SCP2: variants seen among roughly 807,000 people sequenced by gnomAD.
SCP2 encodes sterol carrier protein 2, also known as SCP-2/3-oxoacyl-CoA thiolase.
A neutral mutation model predicts 71.4 loss-of-function variants in SCP2; 48 were observed. The ratio of observed to expected loss-of-function variants is 0.67; its 90% CI spans 0.53 to 0.86. SCP2 has a LOEUF of 0.86. SCP2 is among the 40% of genes least tolerant of loss of function. The probability of loss-of-function intolerance (pLI) is 0.00; values close to 1 mark genes in which losing one functional copy is unlikely to be tolerated. For synonymous variants in SCP2, 220 were observed against 218.1 expected (o/e 1.01, Z -0.08); for missense variants, 560 against 655.6 (o/e 0.85, Z 1.59).
rs1038208079 is a variant in SCP2, at chr1:53,005,893, C to T, written c.1082-8997C>T. Among the ~76,000 whole-genome samples the T allele has an allele frequency of 9.2e-5, 14 of 152,162 alleles. No individual in the cohort carries two copies. In the South Asian group the frequency reaches 1.5e-3, roughly 16 times the overall value. Reference sequence around the variant, plus strand: ...TAAAAACCTTGAAAAAAAGATTAGACGAATGGCTAATTAGAATAAACAGCA... The same window carrying T: ...TAAAAACCTTGAAAAAAAGATTAGATGAATGGCTAATTAGAATAAACAGCA... On this transcript the variant is annotated intron_variant, in intron 11 of 15. Coordinates refer to ENST00000371514, the MANE Select transcript of SCP2 (RefSeq NM_002979.5).
chr1:53,013,421 TAAAAAAAA>T lies in SCP2; in HGVS notation c.1082-1451_1082-1444del, dbSNP rs776237493. Among the ~76,000 whole-genome samples, 6 of 117,216 alleles carry T rather than the reference TAAAAAAAA, an allele frequency of 5.1e-5. No homozygotes were observed. The Admixed American group carries it at 5.6e-4, about 11-fold the overall frequency. 76.9% of individuals were successfully genotyped at this position (117,216 alleles called of 152,430 possible). A position where few individuals can be genotyped will look rare whatever the true frequency, so the allele number is the denominator to read the frequency against. On this transcript the variant is annotated intron_variant, in intron 11 of 15. Transcript: ENST00000371514. ...GAATATAGTGAAACCCCGTCTCTAC[TAAAAAAAA>T]AAAAAAAAAAAAAAAAATAGCTGGG...
At chr1:53,048,702 T>C (rs1314845714) in intron 15 of SCP2, 1 of 153,536 alleles carries the variant, frequency 6.5e-6, no homozygotes, top group Non-Finnish European at 1.4e-5. Flanking sequence ...TGGACTAAAT[T>C]GCATTTGTCT....
At chr1:53,014,327 TCA>T (rs1409836005) in intron 11 of SCP2, among the ~76,000 whole-genome samples, 13 of 152,198 alleles carry the variant, frequency 8.5e-5, no homozygotes, top group Non-Finnish European at 1.9e-4. Flanking sequence ...TTGTAACCAT[TCA>T]CAGATTAACC....
At chr1:53,036,235 C>T (rs952096711) in intron 13 of SCP2, among the ~76,000 whole-genome samples, 2 of 149,162 alleles carry the variant, frequency 1.3e-5, no homozygotes, top group African/African-American at 2.4e-5. Flanking sequence ...ACAATATGAT[C>T]CCATTTAAGA....
chr1:53,020,185 C>A (rs1402617129), intron 12 of SCP2, among the ~76,000 whole-genome samples: 1 of 152,114 alleles, frequency 6.6e-6, no homozygotes, highest in African/African-American at 2.4e-5. Flanking sequence ...CCATGCCATG[C>A]CATCAGAGAC....
intron 12 of SCP2, among the ~76,000 whole-genome samples, chr1:53,027,697 G>T (rs1662231041): frequency 6.6e-6 from 1 of 152,144 alleles, no homozygotes; most frequent in East Asian, 1.9e-4. Flanking sequence ...TAGATACGGG[G>T]TTTCTCCATG....
At chr1:52,992,564 C>T (rs1424323441) in intron 11 of SCP2, among the ~76,000 whole-genome samples, 5 of 152,152 alleles carry the variant, frequency 3.3e-5, no homozygotes, top group South Asian at 2.1e-4. Flanking sequence ...AATATTTGAC[C>T]ACGTAGAATA....
chr1:52,971,428 A>C lies in SCP2; in HGVS notation c.524-3341A>C, dbSNP rs189416210. 2.8e-3 allele frequency among the ~76,000 whole-genome samples: 422 copies of C among 152,362 alleles called. 2 individuals are homozygous for C. Among genetic ancestry groups the C allele is most frequent in the Non-Finnish European group, 4.2e-3 (288 of 68,040 alleles). On this transcript the variant is annotated intron_variant, in intron 6 of 15. Transcript: ENST00000371514. The stretch of plus-strand genomic sequence containing the variant: ...TCTAAAATTTGAAATATAAATGTAC[A>C]CTATTTTAGTGGAAATGTCATTGTA...
intron 6 of SCP2, among the ~76,000 whole-genome samples, chr1:52,968,098 G>C (rs1056193998): frequency 6.6e-6 from 1 of 152,102 alleles, no homozygotes; most frequent in Non-Finnish European, 1.5e-5. Flanking sequence ...GTGCCACCAT[G>C]CCTGGCTAAT....
intron 13 of SCP2, among the ~76,000 whole-genome samples, chr1:53,036,823 A>T (rs1662985124): frequency 6.6e-6 from 1 of 152,034 alleles, no homozygotes; most frequent in African/African-American, 2.4e-5. Flanking sequence ...ATGTACCAAA[A>T]ATGATTTTCT....
intron 1 of SCP2, among the ~76,000 whole-genome samples, chr1:52,940,900 C>G (rs12079470): frequency 0.035 from 5,299 of 152,200 alleles, 260 homozygotes; most frequent in African/African-American, 0.11. Flanking sequence ...CAGGCGTATA[C>G]CGCCATGCCT....
At chr1:52,991,454 G>A (rs558732853) in intron 11 of SCP2, among the ~76,000 whole-genome samples, 7 of 151,030 alleles carry the variant, frequency 4.6e-5, no homozygotes, top group African/African-American at 9.8e-5. Context: ...AGGCTGGAGC[G>A]CAGTAGCGCG....
chr1:52,994,161 G>A (rs935795232), intron 11 of SCP2: 1 of 1,040,434 alleles, frequency 9.6e-7, no homozygotes, highest in Admixed American at 5.0e-5. Context: ...ATACTTCAGT[G>A]TTGATTTTGT....
At chr1:53,043,289 A>T (rs1365416517) in intron 14 of SCP2, among the ~76,000 whole-genome samples, 1 of 152,198 alleles carries the variant, frequency 6.6e-6, no homozygotes, top group East Asian at 1.9e-4. Flanking sequence ...TAGAGCACCT[A>T]GTGTAGTAAG....
intron 3 of SCP2, among the ~76,000 whole-genome samples, chr1:52,948,448 A>G (rs1416590020): frequency 1.3e-5 from 2 of 152,078 alleles, no homozygotes; most frequent in Non-Finnish European, 2.9e-5. Context: ...GATCGAGACC[A>G]TCTGGCTAAT....
chr1:53,028,768 T>G (rs1385985571), intron 13 of SCP2, among the ~76,000 whole-genome samples: 1 of 152,062 alleles, frequency 6.6e-6, no homozygotes, highest in Admixed American at 6.6e-5. Context: ...CAAAAAAACC[T>G]ATTGTTTTTT....
intron 10 of SCP2, among the ~76,000 whole-genome samples, chr1:52,982,427 G>A (rs565073807): frequency 4.3e-4 from 66 of 152,088 alleles, no homozygotes; most frequent in African/African-American, 1.2e-3. Flanking sequence ...AAAATTAGCC[G>A]GGCATGGTGT....
chr1:52,976,151 C>T (rs974984146), intron 7 of SCP2, among the ~76,000 whole-genome samples: 3 of 152,176 alleles, frequency 2.0e-5, no homozygotes, highest in Non-Finnish European at 4.4e-5. Context: ...TGTCATCCTC[C>T]GGATACATCA....
intron 2 of SCP2, chr1:52,943,482 A>G (rs989098487): frequency 5.2e-6 from 1 of 190,608 alleles, no homozygotes; most frequent in Non-Finnish European, 1.1e-5. Context: ...TCGGCCTCCC[A>G]AAGTGCTGGG....
Sources: allele counts gnomAD v4.1 joint callset (sites outside exome capture counted in the v4.1 genomes callset), GRCh38; gene constraint gnomAD v4.1.1; transcripts MANE v1.5; gene names NCBI Gene and HGNC (gene_info 2026-07-23, HGNC 2026-07-21).